Variants in CNTNAP2 observed in about 807,000 individuals in gnomAD.
The protein encoded by CNTNAP2 is contactin-associated protein-like 2.
In CNTNAP2, 98 loss-of-function variants were observed where a neutral mutation model predicts 155.2. The ratio of observed to expected loss-of-function variants is 0.63; its 90% CI spans 0.54 to 0.75. The LOEUF (loss-of-function observed/expected upper bound fraction) is 0.75, where lower values mean the gene tolerates loss of function less well. Ranked by LOEUF, CNTNAP2 falls within the 30% of genes least tolerant of loss-of-function variation. CNTNAP2 has a pLI of 0.00. For synonymous variants in CNTNAP2, 651 were observed against 631.2 expected, an observed-to-expected ratio of 1.03 and a Z score of -0.47; for missense variants, 1,727 against 1,688.1, an observed-to-expected ratio of 1.02 and a Z score of -0.40.
At chr7:146,975,604 T>A (rs1797894751) in intron 3 of CNTNAP2, among the ~76,000 whole-genome samples, 1 of 152,106 alleles carries the variant, frequency 6.6e-6, no homozygotes, top group African/African-American at 2.4e-5. Context: ...AACTGAAAGA[T>A]CTAAGGGAAA....
At chr7:147,000,344 T>A (rs1161775048) in intron 3 of CNTNAP2, among the ~76,000 whole-genome samples, 2 of 152,122 alleles carry the variant, frequency 1.3e-5, no homozygotes, top group Admixed American at 6.6e-5. Flanking sequence ...ATTTTTACTT[T>A]ATCGTGAGGC....
intron 13 of CNTNAP2, among the ~76,000 whole-genome samples, chr7:147,765,332 A>G (rs367643510): frequency 2.0e-5 from 3 of 152,322 alleles, no homozygotes; most frequent in African/African-American, 7.2e-5. Context: ...TCTAGAAGAC[A>G]TTCAGTAATC....
intron 12 of CNTNAP2, among the ~76,000 whole-genome samples, chr7:147,613,302 CTA>C (rs1801221933): frequency 6.6e-6 from 1 of 152,026 alleles, no homozygotes; most frequent in South Asian, 2.1e-4. Flanking sequence ...AATTACTGGT[CTA>C]TGTTTCTTGC....
intron 3 of CNTNAP2, among the ~76,000 whole-genome samples, chr7:146,948,888 C>G (rs1317574264): frequency 1.3e-5 from 2 of 152,118 alleles, no homozygotes; most frequent in Non-Finnish European, 2.9e-5. Flanking sequence ...ATTCATGTAG[C>G]AATGCTGTAT....
intron 1 of CNTNAP2, among the ~76,000 whole-genome samples, chr7:146,228,556 C>A (rs1026247992): frequency 3.3e-5 from 5 of 152,118 alleles, no homozygotes; most frequent in African/African-American, 1.2e-4. Context: ...TTCTACAGAG[C>A]AAGCTCTTTA....
At chr7:147,992,105 T>TTC in intron 15 of CNTNAP2, among the ~76,000 whole-genome samples, 1 of 137,166 alleles carries the variant, frequency 7.3e-6, no homozygotes, top group Non-Finnish European at 1.5e-5. Context: ...TTTTTTTTTT[T>TTC]TTTTTTTGAG....
At chr7:147,874,614 C>T (rs1257699800) in intron 13 of CNTNAP2, among the ~76,000 whole-genome samples, 1 of 152,166 alleles carries the variant, frequency 6.6e-6, no homozygotes, top group Non-Finnish European at 1.5e-5. Context: ...GAAGGGCTGC[C>T]ATGAAGGTTT....
At chr7:147,657,572 C>A (rs1795544494) in intron 13 of CNTNAP2, among the ~76,000 whole-genome samples, 1 of 151,448 alleles carries the variant, frequency 6.6e-6, no homozygotes, top group African/African-American at 2.4e-5. Flanking sequence ...AATATAGAAA[C>A]AAAGCAATTC....
chr7:146,174,683 A>G (rs1478796336), intron 1 of CNTNAP2, among the ~76,000 whole-genome samples: 1 of 151,934 alleles, frequency 6.6e-6, no homozygotes, highest in Non-Finnish European at 1.5e-5. Flanking sequence ...CTCTACTAAG[A>G]ACACAGAAAT....
intron 11 of CNTNAP2, among the ~76,000 whole-genome samples, chr7:147,502,741 G>GTATATATATATATATA (rs71183011): frequency 7.0e-5 from 7 of 99,954 alleles, no homozygotes; most frequent in Non-Finnish European, 1.4e-4. Context: ...GTGTGTGTGT[G>GTATATATATATATATA]TATATATATA....
chr7:148,228,018 T>G (rs1795887668), intron 19 of CNTNAP2, among the ~76,000 whole-genome samples: 1 of 152,050 alleles, frequency 6.6e-6, no homozygotes. Context: ...CTTTTATTTT[T>G]TTTCTGTTTA....
intron 3 of CNTNAP2, among the ~76,000 whole-genome samples, chr7:146,919,889 T>G (rs1357832036): frequency 6.6e-6 from 1 of 152,186 alleles, no homozygotes; most frequent in Non-Finnish European, 1.5e-5. Context: ...AGCACAAGTT[T>G]ACAATGTGGG....
intron 13 of CNTNAP2, among the ~76,000 whole-genome samples, chr7:147,764,414 T>A (rs1398562730): frequency 6.6e-6 from 1 of 152,246 alleles, no homozygotes; most frequent in Non-Finnish European, 1.5e-5. Flanking sequence ...AATTTCACTC[T>A]TGAGGCATTT....
rs565132208 is a variant in CNTNAP2, at chr7:147,792,419, G to A, written c.2099-111146G>A. Among the ~76,000 whole-genome samples the A allele has an allele frequency of 3.3e-5, 5 of 151,990 alleles. No individual in the cohort carries two copies. The East Asian group carries it at 9.7e-4, about 30-fold the overall frequency. ...CCTATCTTAGACTTTGCATATAAATGGAATCATTGCAATATGTGGCATTTT... is the reference window on the plus strand; with the variant it reads ...CCTATCTTAGACTTTGCATATAAATAGAATCATTGCAATATGTGGCATTTT... On this transcript the variant is annotated intron_variant, in intron 13 of 23. Transcript: ENST00000361727.
chr7:146,293,005 T>C (rs1406630684), intron 1 of CNTNAP2, among the ~76,000 whole-genome samples: 2 of 152,150 alleles, frequency 1.3e-5, no homozygotes, highest in Non-Finnish European at 2.9e-5. Flanking sequence ...TCAAATGTTC[T>C]CACCACAAAA....
At chr7:147,610,116 T>C (rs1000510075) in intron 12 of CNTNAP2, among the ~76,000 whole-genome samples, 1 of 152,176 alleles carries the variant, frequency 6.6e-6, no homozygotes, top group Non-Finnish European at 1.5e-5. Context: ...ACATTATACA[T>C]GTTGAAATTG....
intron 3 of CNTNAP2, among the ~76,000 whole-genome samples, chr7:146,877,093 T>G (rs1795444272): frequency 1.3e-5 from 2 of 152,134 alleles, no homozygotes; most frequent in Admixed American, 1.3e-4. Context: ...TTATGTGCTT[T>G]GTATAAGAAA....
intron 1 of CNTNAP2, among the ~76,000 whole-genome samples, chr7:146,388,913 A>G (rs577585413): frequency 4.5e-4 from 69 of 152,090 alleles, no homozygotes; most frequent in Non-Finnish European, 6.9e-4. Context: ...GGCTCCTTTC[A>G]ATCTGTTGTC....
At chr7:146,988,026 C>G (rs1798144568) in intron 3 of CNTNAP2, among the ~76,000 whole-genome samples, 1 of 152,082 alleles carries the variant, frequency 6.6e-6, no homozygotes, top group Non-Finnish European at 1.5e-5. Flanking sequence ...TCAATTTTCT[C>G]ACGAAAGGCC....
Sources: allele counts gnomAD v4.1 joint callset (sites outside exome capture counted in the v4.1 genomes callset), GRCh38; gene constraint gnomAD v4.1.1; transcripts MANE v1.5; gene names NCBI Gene and HGNC (gene_info 2026-07-23, HGNC 2026-07-21).